JAK1: variants seen among roughly 807,000 people sequenced by gnomAD.
The protein encoded by JAK1 is Janus kinase 1.
JAK1 carries 16 observed loss-of-function variants against 136.6 expected under a neutral mutation model. The observed-to-expected ratio is 0.12, with a 90% CI of 0.08 to 0.18. The LOEUF (loss-of-function observed/expected upper bound fraction) is 0.18. JAK1 is among the 10% of genes least tolerant of loss of function. The probability of loss-of-function intolerance (pLI) is 1.00; values close to 1 mark genes in which losing one functional copy is unlikely to be tolerated. For synonymous variants in JAK1, 492 were observed against 519.5 expected, an observed-to-expected ratio of 0.95 and a Z score of 0.72; for missense variants, 859 against 1,450.1, an observed-to-expected ratio of 0.59 and a Z score of 6.62.
chr1:64,919,004 T>C (rs1645447736), intron 1 of JAK1, among the ~76,000 whole-genome samples: 1 of 152,134 alleles, frequency 6.6e-6, no homozygotes, highest in African/African-American at 2.4e-5. Flanking sequence ...TAATTTCACC[T>C]GGCTCCTTTT....
In JAK1 at chr1:64,869,424, G is replaced by A. The variant is rs1432903945; in HGVS notation, c.534C>T (p.Thr178=). The change falls in exon 6 of 25, where the codon ACC becomes ACT. Residue 178 remains threonine, a synonymous_variant. Transcript: ENST00000342505. Reference sequence around the variant, plus strand: ...TCTCAATATCATGTCCATCCTGCTCGGTCTTGGGGTCTCGAATAGGAGCCA... The same window carrying A: ...TCTCAATATCATGTCCATCCTGCTCAGTCTTGGGGTCTCGAATAGGAGCCA... ...KCLAPIRDPK[T]EQDGHDIENE... The A allele has an allele frequency of 1.4e-5, 22 of 1,613,632 alleles. No individual in the cohort carries two copies. Among genetic ancestry groups the A allele is most frequent in the African/African-American group, 2.7e-5 (2 of 74,820 alleles).
At chr1:65,059,386 C>T (rs1308074592) in intron 1 of JAK1, among the ~76,000 whole-genome samples, 1 of 152,164 alleles carries the variant, frequency 6.6e-6, no homozygotes, top group Non-Finnish European at 1.5e-5. Flanking sequence ...GCTAGTGGGG[C>T]TTTATAATTA....
At chr1:64,978,561 T>C (rs551881610) in intron 2 of JAK1, among the ~76,000 whole-genome samples, 1 of 152,280 alleles carries the variant, frequency 6.6e-6, no homozygotes, top group African/African-American at 2.4e-5. Context: ...GAACACTCTT[T>C]TATGGGGTTT....
At chr1:64,875,915 C>G (rs1268350177) in intron 4 of JAK1, 1 of 152,184 alleles carries the variant, frequency 6.6e-6, no homozygotes, top group Non-Finnish European at 1.5e-5. Flanking sequence ...ACGATCCTCT[C>G]CCTGGGACAA....
At chr1:64,886,554 T>C (rs1328291035) in intron 1 of JAK1, among the ~76,000 whole-genome samples, 1 of 152,154 alleles carries the variant, frequency 6.6e-6, no homozygotes, top group African/African-American at 2.4e-5. Flanking sequence ...AAGAGGATAC[T>C]AACTTCACCG....
intron 1 of JAK1, among the ~76,000 whole-genome samples, chr1:65,067,397 T>C (rs1449306057): frequency 6.7e-6 from 1 of 148,770 alleles, no homozygotes; most frequent in East Asian, 2.0e-4. Context: ...GCTTCCCGCG[T>C]CCCCAGGCCG....
At chr1:65,026,736 C>A (rs946086035) in intron 2 of JAK1, among the ~76,000 whole-genome samples, 1 of 151,984 alleles carries the variant, frequency 6.6e-6, no homozygotes, top group African/African-American at 2.4e-5. Context: ...AGGCAGAGGG[C>A]GGGCAGATCA....
At chr1:64,846,801 C>T (rs1570625924) in intron 13 of JAK1, 65 bp from the exon 14 acceptor site, 1 of 1,280,352 alleles carries the variant, frequency 7.8e-7, no homozygotes, top group African/African-American at 1.5e-5. Flanking sequence ...CCCAGGGGCT[C>T]TGTTGAGGGG....
At chr1:65,027,673 T>G (rs1422885422) in intron 2 of JAK1, among the ~76,000 whole-genome samples, 1 of 152,038 alleles carries the variant, frequency 6.6e-6, no homozygotes, top group Admixed American at 6.6e-5. Flanking sequence ...ATTGTGTGGG[T>G]GAATAGAGTC....
chr1:65,031,612 A>G (rs1178742662), intron 2 of JAK1, among the ~76,000 whole-genome samples: 2 of 152,242 alleles, frequency 1.3e-5, no homozygotes, highest in African/African-American at 4.8e-5. Context: ...ACCCTGGATT[A>G]GATAACAGTA....
intron 3 of JAK1, among the ~76,000 whole-genome samples, chr1:64,879,550 CATCT>C (rs1459255238): frequency 1.3e-5 from 2 of 152,182 alleles, no homozygotes; most frequent in African/African-American, 4.8e-5. Context: ...GGAAATCTTC[CATCT>C]GTTTCCTACA....
intron 2 of JAK1, among the ~76,000 whole-genome samples, chr1:65,002,675 A>G (rs1333963738): frequency 8.5e-5 from 13 of 152,238 alleles, no homozygotes; most frequent in Non-Finnish European, 1.5e-5. Context: ...TCACCATCCG[A>G]AAGTGCGAGC....
chr1:64,893,489 C>A (rs1375452654), intron 1 of JAK1, among the ~76,000 whole-genome samples: 3 of 152,354 alleles, frequency 2.0e-5, no homozygotes, highest in African/African-American at 7.2e-5. Flanking sequence ...CAGATCCCAG[C>A]TCTAACACCC....
At chr1:64,958,246 T>C (rs1646225808) in intron 1 of JAK1, among the ~76,000 whole-genome samples, 1 of 152,208 alleles carries the variant, frequency 6.6e-6, no homozygotes, top group African/African-American at 2.4e-5. Context: ...TTACAATTTA[T>C]GTTTGGGCCA....
At chr1:65,047,453 T>G (rs1310184231) in intron 1 of JAK1, among the ~76,000 whole-genome samples, 1 of 152,028 alleles carries the variant, frequency 6.6e-6, no homozygotes, top group Non-Finnish European at 1.5e-5. Context: ...GCGCGATGGC[T>G]CACGCCTGTA....
At chr1:65,035,314 A>C (rs1647063519) in intron 2 of JAK1, among the ~76,000 whole-genome samples, 1 of 152,180 alleles carries the variant, frequency 6.6e-6, no homozygotes. Flanking sequence ...CCCATCCATG[A>C]GTTCTAGTCA....
At chr1:65,032,167 T>C (rs1244645134) in intron 2 of JAK1, among the ~76,000 whole-genome samples, 1 of 152,032 alleles carries the variant, frequency 6.6e-6, no homozygotes, top group Non-Finnish European at 1.5e-5. Flanking sequence ...GGTTTTGCCA[T>C]ATTGGCCAGG....
At chr1:64,879,635 T>C (rs1466192274) in intron 3 of JAK1, among the ~76,000 whole-genome samples, 4 of 152,232 alleles carry the variant, frequency 2.6e-5, no homozygotes, top group Admixed American at 6.5e-5. Context: ...CTGGCAGTAG[T>C]ATGCAAAATG....
chr1:65,036,332 G>A (rs1647074483), intron 2 of JAK1, among the ~76,000 whole-genome samples: 1 of 152,040 alleles, frequency 6.6e-6, no homozygotes, highest in Non-Finnish European at 1.5e-5. Flanking sequence ...CTGCTTGAGA[G>A]GCTAAGGTGG....
Sources: gnomAD v4.1 joint callset for allele counts (sites outside exome capture counted in the v4.1 genomes callset) on GRCh38, gnomAD v4.1.1 for gene constraint, MANE v1.5 for transcripts, NCBI Gene and HGNC (gene_info 2026-07-23, HGNC 2026-07-21) for gene names.